The following DOCK10 variants were observed in gnomAD, a reference collection of about 807,000 sequenced individuals.
DOCK10 encodes dedicator of cytokinesis protein 10.
In DOCK10, 145 loss-of-function variants were observed where a neutral mutation model predicts 280.1. The ratio of observed to expected loss-of-function variants is 0.52; its 90% CI spans 0.45 to 0.59. DOCK10 has a LOEUF of 0.59. Ranked by LOEUF, DOCK10 falls within the 20% of genes least tolerant of loss-of-function variation. DOCK10 has a pLI of 0.00. For missense variants in DOCK10, 2,368 were observed against 2,651.7 expected (o/e 0.89, Z 2.35); for synonymous variants, 915 against 942.2 (o/e 0.97, Z 0.53).
chr2:224,814,659 T>A (rs1378574479), intron 30 of DOCK10, among the ~76,000 whole-genome samples: 4 of 152,120 alleles, frequency 2.6e-5, no homozygotes, highest in African/African-American at 7.2e-5. Context: ...GTAGCTGGGA[T>A]TACAGGTGCC....
intron 2 of DOCK10, among the ~76,000 whole-genome samples, chr2:224,926,475 G>A (rs992897566): frequency 6.6e-6 from 1 of 152,190 alleles, no homozygotes; most frequent in Non-Finnish European, 1.5e-5. Context: ...CCAAGTTTGA[G>A]GCTGCAGTGA....
intron 49 of DOCK10, 42 bp downstream of exon 49, chr2:224,787,233 A>G (rs759466933): frequency 1.2e-5 from 19 of 1,612,904 alleles, no homozygotes; most frequent in Admixed American, 1.2e-4. Flanking sequence ...CCAATTCAAC[A>G]TAGGATATTT....
Position 224,818,369 on chromosome 2 carries a change from C to T in DOCK10, c.3267+1077G>A, listed in dbSNP as rs182893012. 2.5e-3 allele frequency among the ~76,000 whole-genome samples: 379 copies of T among 150,230 alleles called. 1 individual carries two copies. Among genetic ancestry groups the T allele is most frequent in the Non-Finnish European group, 3.0e-3 (203 of 67,852 alleles). On this transcript the variant is annotated intron_variant, in intron 29 of 55. Coordinates refer to ENST00000258390, the MANE Select transcript of DOCK10 (RefSeq NM_014689.3). ...TCGTTAAGTGACGCATGACTGTATTCCTTGTGCTTGAAAAGGCCTGGCCCC... is the reference window on the plus strand; with the variant it reads ...TCGTTAAGTGACGCATGACTGTATTTCTTGTGCTTGAAAAGGCCTGGCCCC...
At chr2:224,858,978 G>A (rs1419764446) in intron 14 of DOCK10, among the ~76,000 whole-genome samples, 1 of 152,232 alleles carries the variant, frequency 6.6e-6, no homozygotes, top group African/African-American at 2.4e-5. Context: ...TATTTTTTGT[G>A]TGTGTGTGGC....
chr2:224,775,130 TA>T lies in DOCK10; in HGVS notation c.5803-16del. The T allele has an allele frequency of 1.2e-6, 2 of 1,612,846 alleles. No individual in the cohort carries two copies. Among genetic ancestry groups the T allele is most frequent in the Non-Finnish European group, 1.7e-6 (2 of 1,178,978 alleles). ...TTGGGGTTTACCTGTGTTAACAGAT[TA>T]TGGGCAAAGTGAGTGGTGTGCCCTG... On this transcript the variant is annotated splice_polypyrimidine_tract_variant and intron_variant, in intron 51 of 55. Coordinates refer to ENST00000258390, the MANE Select transcript of DOCK10 (RefSeq NM_014689.3).
intron 3 of DOCK10, among the ~76,000 whole-genome samples, chr2:224,915,051 A>C (rs112588668): frequency 4.5e-4 from 68 of 152,314 alleles, no homozygotes; most frequent in African/African-American, 1.6e-3. Context: ...CCTTAGAATA[A>C]ATTTTACAAC....
intron 1 of DOCK10, among the ~76,000 whole-genome samples, chr2:225,014,055 C>G (rs1276952039): frequency 7.1e-6 from 1 of 139,872 alleles, no homozygotes; most frequent in African/African-American, 2.6e-5. Context: ...AAAATGTATT[C>G]AAAAAATCCC....
intron 1 of DOCK10, among the ~76,000 whole-genome samples, chr2:225,034,666 T>C (rs1354055301): frequency 6.6e-6 from 1 of 152,134 alleles, no homozygotes; most frequent in African/African-American, 2.4e-5. Context: ...CAATAGCAAA[T>C]ATACTATAAA....
At chr2:225,030,071 A>G (rs2106121767) in intron 1 of DOCK10, among the ~76,000 whole-genome samples, 1 of 150,766 alleles carries the variant, frequency 6.6e-6, no homozygotes, top group Admixed American at 6.6e-5. Flanking sequence ...ACTGGAGCCC[A>G]GGAGGCAGAA....
At chr2:224,851,714 C>T (rs1696756274) in intron 18 of DOCK10, among the ~76,000 whole-genome samples, 1 of 152,052 alleles carries the variant, frequency 6.6e-6, no homozygotes, top group African/African-American at 2.4e-5. Flanking sequence ...CAAATAATTT[C>T]CCCCTCATTT....
intron 1 of DOCK10, among the ~76,000 whole-genome samples, chr2:225,022,924 T>C (rs1184659347): frequency 6.6e-6 from 1 of 152,238 alleles, no homozygotes; most frequent in Non-Finnish European, 1.5e-5. Flanking sequence ...ATGAAGCCCA[T>C]AAATTTGATG....
In DOCK10 at chr2:224,961,965, T is replaced by C. The variant is rs146390143; in HGVS notation, c.124-30297A>G. On this transcript the variant is annotated intron_variant, in intron 1 of 55. Transcript: ENST00000258390. Reference sequence around the variant, plus strand: ...ACATCTTCTCCAGGGGGTACAGGAATTGCAGGAGTTTATTGAGGAGCCATG... The same window carrying C: ...ACATCTTCTCCAGGGGGTACAGGAACTGCAGGAGTTTATTGAGGAGCCATG... 6.6e-5 allele frequency among the ~76,000 whole-genome samples: 10 copies of C among 152,272 alleles called. No homozygotes were observed. In the East Asian group the frequency reaches 1.9e-3, roughly 29 times the overall value.
At chr2:224,867,807 T>C (rs1353130745) in intron 11 of DOCK10, among the ~76,000 whole-genome samples, 1 of 152,204 alleles carries the variant, frequency 6.6e-6, no homozygotes, top group African/African-American at 2.4e-5. Context: ...TGCATGTGTT[T>C]GTCTTGGTTG....
intron 43 of DOCK10, 70 bp downstream of exon 43, chr2:224,796,894 A>G: frequency 1.4e-6 from 2 of 1,425,368 alleles, no homozygotes; most frequent in Admixed American, 3.7e-5. Context: ...TGAGGACAGT[A>G]GGCTTTAAGC....
At chr2:225,000,201 C>CA (rs1340371517) in intron 1 of DOCK10, among the ~76,000 whole-genome samples, 1 of 125,744 alleles carries the variant, frequency 8.0e-6, no homozygotes, top group Non-Finnish European at 1.7e-5. Flanking sequence ...CACACACACA[C>CA]ACAGACACAC....
At chr2:225,017,506 T>C (rs1356628163) in intron 1 of DOCK10, among the ~76,000 whole-genome samples, 2 of 151,966 alleles carry the variant, frequency 1.3e-5, no homozygotes, top group Non-Finnish European at 1.5e-5. Flanking sequence ...GATTGGTTGA[T>C]TCAGCAGTTT....
intron 23 of DOCK10, among the ~76,000 whole-genome samples, 181 bp downstream of exon 23, chr2:224,841,623 T>A (rs1695968425): frequency 1.3e-5 from 2 of 152,230 alleles, no homozygotes; most frequent in Non-Finnish European, 2.9e-5. Context: ...GTCTTTTAAG[T>A]CAAGAAACAG....
intron 1 of DOCK10, among the ~76,000 whole-genome samples, chr2:225,033,498 T>C (rs1214899377): frequency 6.6e-6 from 1 of 152,188 alleles, no homozygotes; most frequent in Admixed American, 6.5e-5. Flanking sequence ...TGTTAATTCT[T>C]CTAATCTCTG....
intron 2 of DOCK10, among the ~76,000 whole-genome samples, chr2:224,921,112 A>AAAAAAAAAT: frequency 1.5e-4 from 8 of 54,426 alleles, no homozygotes; most frequent in African/African-American, 7.9e-4. Flanking sequence ...AAAAAAAAAA[A>AAAAAAAAAT]ATATATATAT....
Sources: allele counts gnomAD v4.1 joint callset (sites outside exome capture counted in the v4.1 genomes callset), GRCh38; gene constraint gnomAD v4.1.1; transcripts MANE v1.5; gene names NCBI Gene and HGNC (gene_info 2026-07-23, HGNC 2026-07-21).